The following GALNTL6 variants were observed in gnomAD, a reference collection of about 807,000 sequenced individuals.
GALNTL6 encodes the protein polypeptide N-acetylgalactosaminyltransferase like 6, also known as polypeptide N-acetylgalactosaminyltransferase-like 6.
A neutral mutation model predicts 73.7 loss-of-function variants in GALNTL6; 46 were observed. The ratio of observed to expected loss-of-function variants is 0.62; its 90% CI spans 0.49 to 0.80. GALNTL6 has a LOEUF of 0.80. Ranked by LOEUF, GALNTL6 falls within the 30% of genes least tolerant of loss-of-function variation. The pLI is 0.00. For synonymous variants in GALNTL6, 259 were observed against 263.7 expected (o/e 0.98, Z 0.17); for missense variants, 604 against 755.0 (o/e 0.80, Z 2.34).
At chr4:172,416,365 A>C (rs1730834675) in intron 5 of GALNTL6, among the ~76,000 whole-genome samples, 1 of 152,234 alleles carries the variant, frequency 6.6e-6, no homozygotes, top group African/African-American at 2.4e-5. Flanking sequence ...ACATCTAGAC[A>C]TCTGTGTCTC....
intron 5 of GALNTL6, among the ~76,000 whole-genome samples, chr4:172,625,931 T>G (rs1739151050): frequency 6.6e-6 from 1 of 152,166 alleles, no homozygotes; most frequent in Non-Finnish European, 1.5e-5. Context: ...CTTTGTTGGA[T>G]GCATAGTTTG....
At chr4:172,175,779 A>G (rs545190446) in intron 2 of GALNTL6, among the ~76,000 whole-genome samples, 11 of 152,104 alleles carry the variant, frequency 7.2e-5, no homozygotes, top group Non-Finnish European at 1.3e-4. Context: ...GCAATTTTCT[A>G]TTGCTTTAAC....
chr4:171,817,399 T>C (rs1363878964), intron 2 of GALNTL6, among the ~76,000 whole-genome samples: 1 of 151,912 alleles, frequency 6.6e-6, no homozygotes, highest in Non-Finnish European at 1.5e-5. Context: ...TCTTTTAAAA[T>C]ATACGTTATT....
rs116599436 is a variant in GALNTL6, at chr4:171,837,145, G to C, written c.138+22427G>C. On this transcript the variant is annotated intron_variant, in intron 2 of 12. Transcript: ENST00000506823. The stretch of plus-strand genomic sequence containing the variant: ...AGCTGATTGGATGCAATGAAAATGT[G>C]TTATAAGTTCTGTGGTATTCCCTCC... 7.8e-3 allele frequency among the ~76,000 whole-genome samples: 1,193 copies of C among 152,228 alleles called. 21 individuals carry two copies. The highest frequency in any genetic ancestry group is 0.027 in the African/African-American group (1,133 of 41,526).
chr4:173,008,661 C>A (rs1018145883), intron 10 of GALNTL6, among the ~76,000 whole-genome samples: 1 of 152,184 alleles, frequency 6.6e-6, no homozygotes, highest in African/African-American at 2.4e-5. Context: ...GTTAGGAAAT[C>A]ATTGATTGGT....
intron 5 of GALNTL6, among the ~76,000 whole-genome samples, chr4:172,423,377 T>A (rs1731116537): frequency 6.6e-6 from 1 of 152,086 alleles, no homozygotes; most frequent in South Asian, 2.1e-4. Context: ...CCCCTTTTTT[T>A]AATTAACTGC....
At chr4:172,633,522 C>T (rs898712644) in intron 5 of GALNTL6, among the ~76,000 whole-genome samples, 1 of 152,170 alleles carries the variant, frequency 6.6e-6, no homozygotes, top group African/African-American at 2.4e-5. Context: ...TAGGAAGTAA[C>T]TAACTTGCTT....
At chr4:172,443,060 A>G (rs1001350989) in intron 5 of GALNTL6, among the ~76,000 whole-genome samples, 1 of 145,472 alleles carries the variant, frequency 6.9e-6, no homozygotes. Flanking sequence ...TATGTTCAAC[A>G]TGGAAACTTG....
intron 2 of GALNTL6, among the ~76,000 whole-genome samples, chr4:172,057,722 AAAAAAATATAT>A (rs1344605918): frequency 2.5e-5 from 2 of 78,512 alleles, no homozygotes; most frequent in South Asian, 4.6e-4. Context: ...AAAAAAAAAA[AAAAAAATATAT>A]ATATATATAT....
At chr4:172,802,534 A>G (rs560551265) in intron 5 of GALNTL6, among the ~76,000 whole-genome samples, 42 of 152,214 alleles carry the variant, frequency 2.8e-4, no homozygotes, top group African/African-American at 9.9e-4. Flanking sequence ...AGTGGCTCAC[A>G]CCTGTAATCC....
intron 5 of GALNTL6, among the ~76,000 whole-genome samples, chr4:172,718,031 A>T (rs1447577463): frequency 3.3e-5 from 5 of 152,256 alleles, no homozygotes; most frequent in Admixed American, 1.3e-4. Context: ...TCAGCAACAT[A>T]ACTATAGTAT....
At chr4:172,645,341 A>C (rs924050212) in intron 5 of GALNTL6, among the ~76,000 whole-genome samples, 5 of 152,022 alleles carry the variant, frequency 3.3e-5, no homozygotes, top group African/African-American at 1.2e-4. Flanking sequence ...TTTTCCACTT[A>C]GGACTATGAT....
intron 2 of GALNTL6, among the ~76,000 whole-genome samples, chr4:171,859,350 A>C (rs1261950553): frequency 6.6e-6 from 1 of 152,094 alleles, no homozygotes; most frequent in Admixed American, 6.6e-5. Flanking sequence ...ACTCCCAATG[A>C]TATATTTTTA....
intron 3 of GALNTL6, among the ~76,000 whole-genome samples, chr4:172,279,971 C>T (rs985735600): frequency 4.6e-5 from 7 of 152,062 alleles, no homozygotes; most frequent in East Asian, 1.9e-4. Flanking sequence ...TGAAACAAGC[C>T]GATCACAAAG....
chr4:172,234,531 T>G (rs1737175114), intron 3 of GALNTL6, among the ~76,000 whole-genome samples: 1 of 152,116 alleles, frequency 6.6e-6, no homozygotes, highest in African/African-American at 2.4e-5. Context: ...CCTGAAGGAG[T>G]GCTGATTTTA....
intron 5 of GALNTL6, among the ~76,000 whole-genome samples, chr4:172,405,761 T>C (rs976687383): frequency 1.3e-5 from 2 of 150,812 alleles, no homozygotes; most frequent in African/African-American, 5.0e-5. Flanking sequence ...CTTCCTTTTA[T>C]TGATTTTTTT....
At chr4:172,893,296 C>T (rs978763616) in intron 8 of GALNTL6, among the ~76,000 whole-genome samples, 2 of 151,874 alleles carry the variant, frequency 1.3e-5, no homozygotes, top group Non-Finnish European at 1.5e-5. Context: ...CCAGCTCCCA[C>T]GCCAGCACAC....
intron 7 of GALNTL6, among the ~76,000 whole-genome samples, chr4:172,851,128 G>T (rs1743792742): frequency 6.6e-6 from 1 of 152,022 alleles, no homozygotes; most frequent in South Asian, 2.1e-4. Flanking sequence ...AGTCTTTCTG[G>T]TGACCAGCCC....
intron 2 of GALNTL6, among the ~76,000 whole-genome samples, chr4:171,851,303 G>A (rs1450692165): frequency 6.6e-6 from 1 of 151,994 alleles, no homozygotes; most frequent in Non-Finnish European, 1.5e-5. Context: ...TTTCTCTTTT[G>A]GTAGAATCAG....
Sources: gnomAD v4.1 joint callset for allele counts (sites outside exome capture counted in the v4.1 genomes callset) on GRCh38, gnomAD v4.1.1 for gene constraint, MANE v1.5 for transcripts, NCBI Gene and HGNC (gene_info 2026-07-23, HGNC 2026-07-21) for gene names.